Variants in UBR1 observed in about 807,000 individuals in gnomAD.
UBR1 encodes the protein E3 ubiquitin-protein ligase UBR1.
In UBR1, 102 loss-of-function variants were observed where a neutral mutation model predicts 242.1. The observed-to-expected ratio is 0.42, with a 90% CI of 0.36 to 0.50. The LOEUF is 0.50. Among genes scored for constraint, UBR1 ranks in the 20% least tolerant of loss-of-function variants. The probability of loss-of-function intolerance (pLI) is 0.01; values close to 1 mark genes in which losing one functional copy is unlikely to be tolerated. For missense variants in UBR1, 1,772 were observed against 2,101.8 expected, an observed-to-expected ratio of 0.84 and a Z score of 3.07; for synonymous variants, 675 against 684.8, an observed-to-expected ratio of 0.99 and a Z score of 0.22.
chr15:42,943,554 C>T lies in UBR1; in HGVS notation c.*1775G>A, dbSNP rs1041860344. 3 of 152,246 alleles carry T rather than the reference C, an allele frequency of 2.0e-5. No homozygotes were observed. The highest frequency in any genetic ancestry group is 7.3e-5 in the African/African-American group (3 of 41,292). 9.4% of individuals were successfully genotyped at this position (152,246 alleles called of 1,614,324 possible). On this transcript the variant is annotated 3_prime_UTR_variant, in exon 47 of 47. Transcript: ENST00000290650. ...CCTCTGTCCTCTTGAGAGCCTAACT[C>T]CAGAATTTATTAAGTTAATATAAAA...
intron 32 of UBR1, 147 bp downstream of exon 32, chr15:43,002,408 A>G (rs1019643394): frequency 2.3e-6 from 2 of 871,576 alleles, no homozygotes; most frequent in Non-Finnish European, 3.5e-6. Context: ...TTTTGTAGAG[A>G]TGGGGTTTTA....
intron 46 of UBR1, among the ~76,000 whole-genome samples, chr15:42,949,173 G>C (rs1160670924): frequency 6.6e-6 from 1 of 150,510 alleles, no homozygotes; most frequent in Admixed American, 6.7e-5. Context: ...GTAAACTATT[G>C]CAAGGACAAA....
At chr15:43,014,771 C>T (rs1268656182) in intron 29 of UBR1, among the ~76,000 whole-genome samples, 8 of 150,090 alleles carry the variant, frequency 5.3e-5, no homozygotes, top group East Asian at 3.9e-4. Context: ...GGCAGCCACC[C>T]CGTCCGGGAG....
chr15:43,047,655 T>G (rs564582698), intron 13 of UBR1, among the ~76,000 whole-genome samples: 7 of 152,138 alleles, frequency 4.6e-5, no homozygotes, highest in Non-Finnish European at 1.0e-4. Flanking sequence ...GTAGATGAAT[T>G]AAGAGTATTT....
At chr15:43,102,502 G>T (rs1003989058) in intron 1 of UBR1, among the ~76,000 whole-genome samples, 1 of 152,156 alleles carries the variant, frequency 6.6e-6, no homozygotes, top group Non-Finnish European at 1.5e-5. Context: ...CTAGGTAGAG[G>T]TTATAAACAG....
In UBR1 at chr15:43,024,878, C is replaced by T. The variant is rs2033159056; in HGVS notation, c.2690G>A (p.Arg897Gln). The change falls in exon 25 of 47, where the codon CGG becomes CAG. Residue 897 changes from arginine to glutamine, a missense_variant. Physicochemically the swap from Arg to Gln is conservative, Grantham distance 43 (BLOSUM62 1). This residue lies in a region of UBR1 where 965 missense variants were observed against 1,079.7 expected (regional missense o/e 0.89). Coordinates refer to ENST00000290650, the MANE Select transcript of UBR1 (RefSeq NM_174916.3). Reference sequence around the variant, plus strand: ...CAAGTTAGAATCTGTGTCTATTGCCCGCTCAAATACGGTCCTGAGAATGTA... The same window carrying T: ...CAAGTTAGAATCTGTGTCTATTGCCTGCTCAAATACGGTCCTGAGAATGTA... Reference protein sequence around the residue: ...MMYILRTVFERAIDTDSNLWT... With the variant: ...MMYILRTVFEQAIDTDSNLWT... 9.9e-6 allele frequency: 16 copies of T among 1,614,018 alleles called. No homozygotes were observed. Among genetic ancestry groups the T allele is most frequent in the Non-Finnish European group, 1.2e-5 (14 of 1,180,042 alleles).
rs1277055842 is a variant in UBR1, at chr15:43,105,951, A to G, written c.72T>C (p.Arg24=). ...GCCTATAGGGACTTACAGATGCCAG[A>G]CGCTGAGGGGTCTGGGGTAACTCCG... ...ISAELPQTPQ[R]LASWWDQQVD... The change falls in exon 1 of 47, where the codon CGT becomes CGC. Residue 24 remains arginine, a synonymous_variant. Coordinates refer to ENST00000290650, the MANE Select transcript of UBR1 (RefSeq NM_174916.3). The G allele has an allele frequency of 2.5e-6, 4 of 1,613,992 alleles. No individual in the cohort carries two copies. The Admixed American group carries it at 6.7e-5, about 27-fold the overall frequency.
rs138772135 is a variant in UBR1 at position 43,105,018 on chromosome 15, A to C, written c.81+924T>G. ...ACTTCAGCCTGGGCAACAAGAGCAA[A>C]ACTCTGCCTCAAAAAATAAATAAAA... On this transcript the variant is annotated intron_variant, in intron 1 of 46. Coordinates refer to ENST00000290650, the MANE Select transcript of UBR1 (RefSeq NM_174916.3). Among the ~76,000 whole-genome samples the C allele has an allele frequency of 2.9e-3, 441 of 152,242 alleles. 2 individuals are homozygous for C. The highest frequency in any genetic ancestry group is 0.01 in the African/African-American group (433 of 41,538).
intron 23 of UBR1, chr15:43,026,267 C>A: frequency 3.5e-6 from 1 of 284,672 alleles, no homozygotes; most frequent in East Asian, 9.0e-5. Flanking sequence ...CAAAACAAAA[C>A]AAAAACTAAA....
chr15:43,013,652 T>C (rs1221055451), intron 29 of UBR1, among the ~76,000 whole-genome samples: 1 of 152,232 alleles, frequency 6.6e-6, no homozygotes, highest in East Asian at 1.9e-4. Flanking sequence ...GGTTATCTTT[T>C]TGTGCATAAA....
rs369525351 is a variant in UBR1, at chr15:43,076,410, G to A, written c.418-1321C>T. Among the ~76,000 whole-genome samples the A allele has an allele frequency of 2.2e-4, 33 of 152,080 alleles. No homozygotes were observed. In the East Asian group the frequency reaches 3.1e-3, roughly 14 times the overall value. On this transcript the variant is annotated intron_variant, in intron 3 of 46. Transcript: ENST00000290650. ...CTCTGCACGGCCGCCACCCCGTCTG[G>A]GAAGTGAGGAGCGTCTCTGCCCGGC...
chr15:43,025,025 T>G (rs1567129497), intron 24 of UBR1, 42 bp from the exon 25 acceptor site: 1 of 1,609,528 alleles, frequency 6.2e-7, no homozygotes, highest in Non-Finnish European at 8.5e-7. Context: ...GACAAACAGG[T>G]ACATTTTTAT....
At chr15:43,076,027 C>T (rs1336202166) in intron 3 of UBR1, among the ~76,000 whole-genome samples, 1 of 152,130 alleles carries the variant, frequency 6.6e-6, no homozygotes, top group Admixed American at 6.5e-5. Context: ...GATGCCGAGC[C>T]AAAGCTGGAC....
At position 42,970,612 on chromosome 15, in the gene UBR1, A is replaced by G. The variant is rs2141262681; in HGVS notation, c.4370-5T>C. 6.2e-7 allele frequency: 1 copy of G among 1,613,046 alleles called. No individual in the cohort carries two copies. The highest frequency in any genetic ancestry group is 8.5e-7 in the Non-Finnish European group (1 of 1,179,520). ...GAACCTGAGCAAGGGGTAGGCCTGA[A>G]AAAGAAATTCTGCAAGATGAATTAT... On this transcript the variant is annotated splice_region_variant and splice_polypyrimidine_tract_variant and intron_variant, in intron 39 of 46. Transcript: ENST00000290650.
intron 26 of UBR1, 141 bp from the exon 27 acceptor site, chr15:43,021,516 AT>A: frequency 1.4e-6 from 1 of 714,286 alleles, no homozygotes; most frequent in South Asian, 1.6e-5. Flanking sequence ...TAGTATTTGC[AT>A]AAAATCTATA....
chr15:43,069,844 T>C (rs1162382580), intron 5 of UBR1, among the ~76,000 whole-genome samples: 1 of 152,202 alleles, frequency 6.6e-6, no homozygotes, highest in African/African-American at 2.4e-5. Flanking sequence ...GCTCATATTA[T>C]GTTTACCAAC....
At chr15:42,991,261 G>A (rs1370338233) in intron 33 of UBR1, among the ~76,000 whole-genome samples, 1 of 151,212 alleles carries the variant, frequency 6.6e-6, no homozygotes, top group Admixed American at 6.6e-5. Flanking sequence ...GGGCGACAAA[G>A]CGACACGCCA....
At chr15:43,063,054 T>C (rs1281250857) in intron 6 of UBR1, among the ~76,000 whole-genome samples, 1 of 152,234 alleles carries the variant, frequency 6.6e-6, no homozygotes, top group African/African-American at 2.4e-5. Context: ...GTACATTTTT[T>C]ACTTCAATTG....
chr15:43,104,996 T>C lies in UBR1; in HGVS notation c.81+946A>G, dbSNP rs1282398688. ...TGAGCCGAGATTACACCACTGCACT[T>C]CAGCCTGGGCAACAAGAGCAAAACT... On this transcript the variant is annotated intron_variant, in intron 1 of 46. Transcript: ENST00000290650. Among the ~76,000 whole-genome samples the C allele has an allele frequency of 5.9e-5, 9 of 152,108 alleles. No homozygotes were observed. In the East Asian group the frequency reaches 1.7e-3, roughly 29 times the overall value.
Sources: gnomAD v4.1 joint callset for allele counts (sites outside exome capture counted in the v4.1 genomes callset) on GRCh38, gnomAD v4.1.1 for gene constraint, gnomAD v4.1.1 regional missense constraint, MANE v1.5 for transcripts, NCBI Gene and HGNC (gene_info 2026-07-23, HGNC 2026-07-21) for gene names.